PALM2AKAP2: variants seen among roughly 807,000 people sequenced by gnomAD.
PALM2AKAP2 encodes the protein PALM2-AKAP2 fusion protein.
Under a neutral mutation model 71.5 loss-of-function variants are expected in PALM2AKAP2, and 37 were observed. The observed-to-expected ratio is 0.52, with a 90% confidence interval of 0.40 to 0.68. The LOEUF is 0.68. Among genes scored for constraint, PALM2AKAP2 ranks in the 30% least tolerant of loss-of-function variants. The probability of loss-of-function intolerance (pLI) is 0.00; values close to 1 mark genes in which losing one functional copy is unlikely to be tolerated. For missense variants in PALM2AKAP2, 1,224 were observed against 1,191.8 expected (o/e 1.03, Z -0.40); for synonymous variants, 468 against 478.8 (o/e 0.98, Z 0.29).
chr9:109,669,311 T>C (rs1827539393), intron 1 of PALM2AKAP2, among the ~76,000 whole-genome samples: 1 of 152,160 alleles, frequency 6.6e-6, no homozygotes, highest in Non-Finnish European at 1.5e-5. Context: ...ATATACTTTT[T>C]TCTAGATCTA....
chr9:109,789,677 T>C (rs77123033), intron 1 of PALM2AKAP2, among the ~76,000 whole-genome samples: 2,364 of 152,230 alleles, frequency 0.016, 65 homozygotes, highest in African/African-American at 0.054. Context: ...CCACACAGCA[T>C]GGCGGAGTTT....
At chr9:109,774,488 A>C (rs894826541) in intron 1 of PALM2AKAP2, among the ~76,000 whole-genome samples, 1 of 152,292 alleles carries the variant, frequency 6.6e-6, no homozygotes, top group South Asian at 2.1e-4. Context: ...TAATTGTTAG[A>C]TTGACCCACA....
At chr9:110,149,405 T>A (rs992172028) in intron 2 of PALM2AKAP2, among the ~76,000 whole-genome samples, 1 of 152,264 alleles carries the variant, frequency 6.6e-6, no homozygotes, top group Admixed American at 6.5e-5. Context: ...TTTACCTGCT[T>A]TTCTCAGCGT....
At chr9:110,028,224 G>A (rs1345792629) in intron 7 of PALM2AKAP2, among the ~76,000 whole-genome samples, 1 of 152,150 alleles carries the variant, frequency 6.6e-6, no homozygotes, top group Non-Finnish European at 1.5e-5. Flanking sequence ...GTTATTTATT[G>A]TTCCTGTGTG....
chr9:109,784,449 G>A (rs1706877048), intron 1 of PALM2AKAP2, among the ~76,000 whole-genome samples: 1 of 152,160 alleles, frequency 6.6e-6, no homozygotes, highest in Admixed American at 6.5e-5. Context: ...ATTACCAGGA[G>A]GCATTTGTTT....
intron 1 of PALM2AKAP2, among the ~76,000 whole-genome samples, chr9:109,738,620 C>T (rs116009806): frequency 1.5e-3 from 228 of 152,228 alleles, no homozygotes; most frequent in African/African-American, 5.3e-3. Context: ...TTTATCATTA[C>T]GGTAGTCTTC....
chr9:109,835,215 G>GGAGGGAAAGAGGAGAGGGTT (rs1828429086), intron 1 of PALM2AKAP2, among the ~76,000 whole-genome samples: 1 of 132,384 alleles, frequency 7.6e-6, no homozygotes, highest in African/African-American at 2.6e-5. Flanking sequence ...AGGGGAGGGT[G>GGAGGGAAAGAGGAGAGGGTT]TAGGGAAAGA....
exon 4 of PALM2AKAP2, chr9:110,170,610 G>A (rs1836838269): frequency 6.6e-6 from 1 of 152,210 alleles, no homozygotes; most frequent in South Asian, 2.1e-4. Context: ...TGAGTCTCCT[G>A]AATATTTTGA....
chr9:109,864,491 G>C (rs1428573334), intron 1 of PALM2AKAP2, among the ~76,000 whole-genome samples: 1 of 152,128 alleles, frequency 6.6e-6, no homozygotes, highest in Admixed American at 6.5e-5. Context: ...AGGCTTGTTA[G>C]TTCATCCATC....
At chr9:110,052,989 C>G (rs1401661771) in intron 1 of PALM2AKAP2, among the ~76,000 whole-genome samples, 3 of 152,198 alleles carry the variant, frequency 2.0e-5, no homozygotes, top group African/African-American at 7.2e-5. Flanking sequence ...AGGATCGAGT[C>G]TCTCTTTTCT....
chr9:110,161,895 G>A (rs1836609099), intron 3 of PALM2AKAP2, among the ~76,000 whole-genome samples, 199 bp from the exon 10 acceptor site: 1 of 151,594 alleles, frequency 6.6e-6, no homozygotes. Context: ...TGAACAATAG[G>A]GTATCTAGTT....
chr9:109,842,387 G>GT (rs1156586803), intron 1 of PALM2AKAP2, among the ~76,000 whole-genome samples: 1 of 152,236 alleles, frequency 6.6e-6, no homozygotes, highest in Non-Finnish European at 1.5e-5. Flanking sequence ...ACGGGAAGGG[G>GT]TTGGGAGCTC....
At chr9:110,035,461 G>GTA (rs200032554) in intron 7 of PALM2AKAP2, among the ~76,000 whole-genome samples, 1 of 140,548 alleles carries the variant, frequency 7.1e-6, no homozygotes, top group South Asian at 2.2e-4. Flanking sequence ...ACAGATATAT[G>GTA]TATATATATG....
At chr9:109,995,583 C>T (rs1053011582) in intron 6 of PALM2AKAP2, among the ~76,000 whole-genome samples, 11 of 152,268 alleles carry the variant, frequency 7.2e-5, no homozygotes, top group Admixed American at 6.5e-5. Flanking sequence ...TCTTACATGG[C>T]GGCAGGCAAA....
At chr9:109,925,071 G>A (rs199926965) in exon 5 of PALM2AKAP2, 2 of 1,614,028 alleles carry the variant, frequency 1.2e-6, no homozygotes, top group African/African-American at 1.3e-5. Flanking sequence ...GGTTTCTCCA[G>A]TACGGATGGA....
At chr9:109,844,931 ATGTG>A (rs71373945) in intron 1 of PALM2AKAP2, among the ~76,000 whole-genome samples, 8,001 of 149,382 alleles carry the variant, frequency 0.054, 243 homozygotes, top group East Asian at 0.098. Context: ...CCAGAAAATG[ATGTG>A]TGTGTGTGTG....
chr9:109,655,612 C>G (rs561357104), intron 1 of PALM2AKAP2, among the ~76,000 whole-genome samples: 3 of 152,260 alleles, frequency 2.0e-5, no homozygotes, highest in Admixed American at 6.5e-5. Flanking sequence ...CTCCCCACCC[C>G]CTACCCCCCA....
intron 6 of PALM2AKAP2, among the ~76,000 whole-genome samples, chr9:109,980,180 C>T (rs2132190589): frequency 6.6e-6 from 1 of 152,248 alleles, no homozygotes; most frequent in East Asian, 1.9e-4. Context: ...ACAGATGCTT[C>T]CCTAGTATAA....
intron 1 of PALM2AKAP2, among the ~76,000 whole-genome samples, chr9:109,708,466 T>A (rs1270267801): frequency 6.6e-6 from 1 of 152,238 alleles, no homozygotes; most frequent in African/African-American, 2.4e-5. Flanking sequence ...AAGCATCATA[T>A]GGCAAAATCT....
Sources: gnomAD v4.1 joint callset for allele counts (sites outside exome capture counted in the v4.1 genomes callset) on GRCh38, gnomAD v4.1.1 for gene constraint, MANE v1.5 for transcripts, NCBI Gene and HGNC (gene_info 2026-07-23, HGNC 2026-07-21) for gene names.